CCDC3: variants seen among roughly 807,000 people sequenced by gnomAD.
CCDC3 encodes coiled-coil domain-containing protein 3.
In CCDC3, 24 loss-of-function variants were observed where a neutral mutation model predicts 21.4. The observed-to-expected ratio is 1.12, with a 90% CI of 0.81 to 1.58. The LOEUF is 1.58. CCDC3 is among the 40% of genes most tolerant of loss of function. CCDC3 has a pLI of 0.00. For synonymous variants in CCDC3, 186 were observed against 166.0 expected (o/e 1.12, Z -0.93); for missense variants, 425 against 360.9 (o/e 1.18, Z -1.44).
intron 2 of CCDC3, among the ~76,000 whole-genome samples, chr10:12,988,621 G>A (rs1447643499): frequency 6.6e-6 from 1 of 152,146 alleles, no homozygotes; most frequent in African/African-American, 2.4e-5. Context: ...CAGGATTACA[G>A]GCATGAGCCA....
intron 2 of CCDC3, among the ~76,000 whole-genome samples, chr10:12,973,321 C>T (rs142934666): frequency 3.9e-5 from 6 of 152,166 alleles, no homozygotes; most frequent in East Asian, 1.9e-4. Flanking sequence ...CCGAGGACAG[C>T]GGCCCAGCCC....
chr10:12,903,198 TC>T (rs1834119957), intron 2 of CCDC3, among the ~76,000 whole-genome samples: 1 of 152,178 alleles, frequency 6.6e-6, no homozygotes. Flanking sequence ...GGAGCCTGTG[TC>T]ATGTGAATTG....
chr10:12,903,960 A>G (rs1396755535), intron 2 of CCDC3, among the ~76,000 whole-genome samples: 1 of 152,186 alleles, frequency 6.6e-6, no homozygotes, highest in African/African-American at 2.4e-5. Flanking sequence ...TCTTCCTAGT[A>G]TTGTTCCTAC....
intron 5 of CCDC3, among the ~76,000 whole-genome samples, chr10:13,028,440 T>A (rs1167133632): frequency 6.6e-6 from 1 of 152,172 alleles, no homozygotes; most frequent in Non-Finnish European, 1.5e-5. Flanking sequence ...AACAGACTAA[T>A]ACACACAACC....
At chr10:13,000,350 T>C (rs1016822822) in intron 1 of CCDC3, among the ~76,000 whole-genome samples, 1 of 152,140 alleles carries the variant, frequency 6.6e-6, no homozygotes, top group Non-Finnish European at 1.5e-5. Flanking sequence ...AATTCAGTAG[T>C]CAATGAGAAT....
At chr10:12,999,964 C>G (rs1201000244) in intron 1 of CCDC3, among the ~76,000 whole-genome samples, 1 of 152,204 alleles carries the variant, frequency 6.6e-6, no homozygotes, top group Admixed American at 6.5e-5. Flanking sequence ...TCTAGCTGAA[C>G]CACTCAAGCC....
chr10:12,940,742 G>A (rs1177932514), intron 2 of CCDC3, among the ~76,000 whole-genome samples: 1 of 152,134 alleles, frequency 6.6e-6, no homozygotes, highest in Non-Finnish European at 1.5e-5. Flanking sequence ...TTTAAATGAG[G>A]CAGAATTAAG....
At chr10:12,898,787 G>A (rs912620071) in intron 2 of CCDC3, 108 bp from the exon 3 acceptor site, 5 of 1,305,226 alleles carry the variant, frequency 3.8e-6, no homozygotes, top group African/African-American at 3.0e-5. Context: ...CACAGACCCC[G>A]ATTCCCCACC....
intron 4 of CCDC3, chr10:13,057,963 TCTC>T: frequency 1.6e-6 from 1 of 624,932 alleles, no homozygotes. Flanking sequence ...TTCTTGTGTA[TCTC>T]CTCCATCATG....
intron 2 of CCDC3, among the ~76,000 whole-genome samples, chr10:12,950,453 C>T (rs1834990655): frequency 6.6e-6 from 1 of 152,148 alleles, no homozygotes; most frequent in Non-Finnish European, 1.5e-5. Context: ...TAAAAAGCAA[C>T]AATCTAAAGA....
chr10:12,956,105 A>G (rs910540288), intron 2 of CCDC3, among the ~76,000 whole-genome samples: 11 of 152,218 alleles, frequency 7.2e-5, no homozygotes, highest in African/African-American at 2.2e-4. Context: ...CGGCCTCCCA[A>G]AATGCTGGGA....
intron 2 of CCDC3, among the ~76,000 whole-genome samples, chr10:12,969,240 T>G (rs1038873846): frequency 6.6e-6 from 1 of 152,050 alleles, no homozygotes; most frequent in Non-Finnish European, 1.5e-5. Flanking sequence ...AAAAGGAGAT[T>G]AAAACCATAA....
intron 2 of CCDC3, among the ~76,000 whole-genome samples, chr10:12,997,816 C>T (rs1451236026): frequency 2.0e-5 from 3 of 152,134 alleles, no homozygotes; most frequent in Non-Finnish European, 4.4e-5. Context: ...TGCATTAGCC[C>T]TCTGACATAG....
At chr10:13,012,477 C>T (rs1835995267) in intron 5 of CCDC3, among the ~76,000 whole-genome samples, 1 of 152,080 alleles carries the variant, frequency 6.6e-6, no homozygotes, top group Non-Finnish European at 1.5e-5. Context: ...CAAATCAAAA[C>T]CACAACATTA....
intron 2 of CCDC3, among the ~76,000 whole-genome samples, chr10:12,925,447 A>T (rs540981484): frequency 6.6e-6 from 1 of 152,248 alleles, no homozygotes; most frequent in African/African-American, 2.4e-5. Context: ...CCTCTAAGTA[A>T]CCTCTCCCCC....
intron 2 of CCDC3, among the ~76,000 whole-genome samples, chr10:12,947,501 T>C (rs1212235090): frequency 6.6e-6 from 1 of 152,206 alleles, no homozygotes; most frequent in African/African-American, 2.4e-5. Flanking sequence ...TGCCAGAGTG[T>C]TGGGTGCTAA....
Position 12,898,391 on chromosome 10 carries a change from G to C in CCDC3, c.*25C>G. The C allele has an allele frequency of 6.4e-7, 1 of 1,568,810 alleles. No homozygotes were observed. Among genetic ancestry groups the C allele is most frequent in the African/African-American group, 1.4e-5 (1 of 73,266 alleles). On this transcript the variant is annotated 3_prime_UTR_variant, in exon 3 of 3. Transcript: ENST00000378825. ...CTCAATTACCGTCAGGATTGGCCCT[G>C]CACACCTGGCAGCCCCCAGGCCCGT...
At chr10:12,908,141 T>C (rs936268648) in intron 2 of CCDC3, among the ~76,000 whole-genome samples, 5 of 152,238 alleles carry the variant, frequency 3.3e-5, no homozygotes, top group Admixed American at 2.6e-4. Flanking sequence ...AAGCCACGTC[T>C]TCAGATAAAT....
chr10:13,046,148 G>A (rs1224285456), intron 5 of CCDC3, among the ~76,000 whole-genome samples: 6 of 152,124 alleles, frequency 3.9e-5, no homozygotes, highest in African/African-American at 1.4e-4. Context: ...GCTCATTCCT[G>A]TAATCCCAGC....
Sources: allele counts gnomAD v4.1 joint callset (sites outside exome capture counted in the v4.1 genomes callset), GRCh38; gene constraint gnomAD v4.1.1; transcripts MANE v1.5; gene names NCBI Gene and HGNC (gene_info 2026-07-23, HGNC 2026-07-21).